Variants in PCDH11X observed in about 807,000 individuals in gnomAD.
PCDH11X encodes the protein protocadherin 11 X-linked.
Under a neutral mutation model 53.3 loss-of-function variants are expected in PCDH11X, and 18 were observed. The observed-to-expected ratio is 0.34, with a 90% CI of 0.23 to 0.50. PCDH11X has a LOEUF of 0.50. Among genes scored for constraint, PCDH11X ranks in the 20% least tolerant of loss-of-function variants. The pLI is 0.98. For synonymous variants in PCDH11X, 279 were observed against 393.3 expected (o/e 0.71, Z 3.44); for missense variants, 570 against 1,032.4 (o/e 0.55, Z 6.14).
At chrX:91,813,614 C>T (rs1207793008) in intron 4 of PCDH11X, among the ~76,000 whole-genome samples, 1 of 106,986 alleles carries the variant, frequency 9.3e-6, no homozygotes, top group Admixed American at 9.9e-5. Flanking sequence ...CTATAGATTT[C>T]GAAAGGTAAT....
rs992727612 is a variant in PCDH11X, at chrX:92,069,804, C to T, written c.3034-131571C>T. Reference sequence around the variant, plus strand: ...TCAAGTGATTATCTTGCCTCAGCCCCGCAAGTAGCTGGGATTACAGACATG... The same window carrying T: ...TCAAGTGATTATCTTGCCTCAGCCCTGCAAGTAGCTGGGATTACAGACATG... On this transcript the variant is annotated intron_variant, in intron 6 of 10. Coordinates refer to ENST00000682573, the MANE Select transcript of PCDH11X (RefSeq NM_032968.5). Among the ~76,000 whole-genome samples the T allele has an allele frequency of 4.5e-4, 50 of 111,408 alleles. No homozygotes were observed. In the Middle Eastern group the frequency reaches 0.014, roughly 31 times the overall value.
chrX:92,567,459 G>T (rs1248974750), intron 10 of PCDH11X, among the ~76,000 whole-genome samples: 1 of 99,256 alleles, frequency 1.0e-5, no homozygotes, highest in African/African-American at 3.7e-5. Context: ...GAATGCTAGC[G>T]ACTTTTGTAC....
intron 8 of PCDH11X, among the ~76,000 whole-genome samples, chrX:92,338,654 G>A (rs2069677181): frequency 1.8e-5 from 2 of 111,090 alleles, no homozygotes; most frequent in Admixed American, 9.6e-5. Context: ...TCTTCAGGTG[G>A]CAGAAATAGA....
intron 6 of PCDH11X, among the ~76,000 whole-genome samples, chrX:91,959,085 A>T (rs773445195): frequency 1.9e-5 from 2 of 108,026 alleles, no homozygotes; most frequent in South Asian, 7.9e-4. Context: ...CTCTGAAATC[A>T]TTTAGAGAAG....
At chrX:91,811,587 C>T (rs1272717229) in intron 4 of PCDH11X, among the ~76,000 whole-genome samples, 3 of 110,796 alleles carry the variant, frequency 2.7e-5, no homozygotes, top group Non-Finnish European at 3.8e-5. Context: ...ACATGTTGTC[C>T]GTGGATTGAC....
intron 9 of PCDH11X, among the ~76,000 whole-genome samples, chrX:92,449,870 A>G (rs2072743576): frequency 9.0e-6 from 1 of 111,150 alleles, no homozygotes; most frequent in African/African-American, 3.3e-5. Flanking sequence ...AGTTGTTGAA[A>G]TGATAAAATG....
intron 7 of PCDH11X, among the ~76,000 whole-genome samples, chrX:92,246,298 A>G (rs781322595): frequency 1.8e-5 from 2 of 111,773 alleles, no homozygotes; most frequent in East Asian, 2.8e-4. Flanking sequence ...GTACATATTT[A>G]TATCTAAGTT....
intron 10 of PCDH11X, among the ~76,000 whole-genome samples, chrX:92,556,429 T>G (rs1237969090): frequency 9.0e-6 from 1 of 111,222 alleles, no homozygotes; most frequent in Non-Finnish European, 1.9e-5. Context: ...TTCTATCTGT[T>G]CCAAGTGAGA....
chrX:92,235,816 C>T (rs2067159809), intron 7 of PCDH11X, among the ~76,000 whole-genome samples: 1 of 111,026 alleles, frequency 9.0e-6, no homozygotes. Flanking sequence ...CAAACAATAG[C>T]TTGCAATGCA....
At chrX:92,566,416 A>G (rs1921481585) in intron 10 of PCDH11X, among the ~76,000 whole-genome samples, 1 of 110,505 alleles carries the variant, frequency 9.0e-6, no homozygotes, top group South Asian at 3.8e-4. Context: ...TTTGTAATTA[A>G]TGCAGAAAGG....
At chrX:92,464,772 A>G (rs1239227271) in intron 9 of PCDH11X, among the ~76,000 whole-genome samples, 1 of 108,801 alleles carries the variant, frequency 9.2e-6, no homozygotes, top group East Asian at 2.9e-4. Context: ...TTTGAATTAT[A>G]CATCAAGAAG....
chrX:92,321,466 G>T (rs190418496), intron 8 of PCDH11X, among the ~76,000 whole-genome samples: 3,724 of 110,849 alleles, frequency 0.034, 103 homozygotes, highest in African/African-American at 0.095. Context: ...AAAGTGCTGG[G>T]ATTACAGGCG....
chrX:92,273,993 C>A (rs1460545546), intron 8 of PCDH11X, among the ~76,000 whole-genome samples: 1 of 108,333 alleles, frequency 9.2e-6, no homozygotes, highest in Admixed American at 9.9e-5. Flanking sequence ...TGTAAACCGG[C>A]AGTGTCAACA....
chrX:92,411,606 C>T (rs924475820), intron 9 of PCDH11X, among the ~76,000 whole-genome samples: 3 of 109,905 alleles, frequency 2.7e-5, no homozygotes, highest in African/African-American at 6.6e-5. Context: ...AGGACATGAA[C>T]TCATTCTTTT....
chrX:91,880,912 A>G (rs936021047), intron 6 of PCDH11X, among the ~76,000 whole-genome samples: 2 of 109,480 alleles, frequency 1.8e-5, no homozygotes, highest in African/African-American at 6.6e-5. Flanking sequence ...ACATAAAAGT[A>G]TCTTTTATGA....
At chrX:91,816,138 CA>C (rs965667802) in intron 4 of PCDH11X, among the ~76,000 whole-genome samples, 2 of 110,089 alleles carry the variant, frequency 1.8e-5, no homozygotes, top group African/African-American at 6.6e-5. Context: ...CACACCCCCC[CA>C]AAAAAAATCT....
intron 9 of PCDH11X, among the ~76,000 whole-genome samples, chrX:92,417,786 G>A (rs1356771114): frequency 9.8e-6 from 1 of 102,058 alleles, no homozygotes; most frequent in African/African-American, 3.6e-5. Context: ...GTTTATAGCC[G>A]TGGTCACACA....
intron 10 of PCDH11X, among the ~76,000 whole-genome samples, chrX:92,505,745 T>C (rs2148701306): frequency 9.0e-6 from 1 of 111,291 alleles, no homozygotes; most frequent in East Asian, 2.8e-4. Context: ...GTGAAATATG[T>C]CATTAGTTGT....
chrX:91,794,002 G>C lies in PCDH11X; in HGVS notation c.-379+14318G>C, dbSNP rs748638308. Among the ~76,000 whole-genome samples the C allele has an allele frequency of 4.5e-5, 5 of 111,922 alleles. 1 individual carries two copies. In the South Asian group the frequency reaches 1.8e-3, roughly 41 times the overall value. On this transcript the variant is annotated intron_variant, in intron 1 of 10. Coordinates refer to ENST00000682573, the MANE Select transcript of PCDH11X (RefSeq NM_032968.5). ...TTTTGCTGTTAGAGAAGCAAACCCT[G>C]TTTAGTTTCTTTAGTGAATACCATG...
Sources: allele counts gnomAD v4.1 joint callset (sites outside exome capture counted in the v4.1 genomes callset), GRCh38; gene constraint gnomAD v4.1.1; transcripts MANE v1.5; gene names NCBI Gene and HGNC (gene_info 2026-07-23, HGNC 2026-07-21).